CLCN4: variants seen among roughly 807,000 people sequenced by gnomAD.
CLCN4 encodes Cl-/H+ antiporter 4, also known as H(+)/Cl(-) exchange transporter 4.
A neutral mutation model predicts 41.7 loss-of-function variants in CLCN4; 1 was observed. The observed-to-expected ratio is 0.02, with a 90% CI of 0.01 to 0.11. CLCN4 has a LOEUF of 0.11. Among genes scored for constraint, CLCN4 ranks in the 10% least tolerant of loss-of-function variants. The pLI is 1.00. For synonymous variants in CLCN4, 277 were observed against 285.8 expected, an observed-to-expected ratio of 0.97 and a Z score of 0.31; for missense variants, 287 against 661.0, an observed-to-expected ratio of 0.43 and a Z score of 6.20.
At chrX:10,230,090 T>G (rs1925089682) in intron 12 of CLCN4, among the ~76,000 whole-genome samples, 1 of 111,365 alleles carries the variant, frequency 9.0e-6, no homozygotes, top group Non-Finnish European at 1.9e-5. Context: ...TTTTGCCCGT[T>G]TTTTTGATCA....
chrX:10,195,031 C>A lies in CLCN4; in HGVS notation c.365C>A (p.Thr122Asn), dbSNP rs1924061396. Residue 122 changes from threonine (T) to asparagine (N), a missense_variant, in exon 5 of 13, where the codon ACT becomes AAT. Transcript: ENST00000380833. ...EQCCWTSNET[T>N]FEDRDKCPLW... ...TGTTGCTGGACTTCTAACGAGACCACTTTTGAGGACAGAGACAAGTGTCCC... is the reference window on the plus strand; with the variant it reads ...TGTTGCTGGACTTCTAACGAGACCAATTTTGAGGACAGAGACAAGTGTCCC... 1 of 1,211,673 alleles carries A rather than the reference C, an allele frequency of 8.3e-7. No individual in the cohort carries two copies. The highest frequency in any genetic ancestry group is 1.1e-6 in the Non-Finnish European group (1 of 895,464).
chrX:10,222,054 A>G (rs1227461727), intron 12 of CLCN4, among the ~76,000 whole-genome samples: 1 of 113,136 alleles, frequency 8.8e-6, no homozygotes, highest in Non-Finnish European at 1.9e-5. Context: ...TTCCTGATAT[A>G]TCAATTTGTT....
chrX:10,193,859 C>T (rs751212987), intron 4 of CLCN4, among the ~76,000 whole-genome samples: 1 of 110,691 alleles, frequency 9.0e-6, no homozygotes, highest in South Asian at 3.9e-4. Context: ...AAGGCCATTG[C>T]CTTAGCTGCA....
At chrX:10,211,265 C>CAAAAA (rs71774120) in intron 9 of CLCN4, among the ~76,000 whole-genome samples, 2 of 48,802 alleles carry the variant, frequency 4.1e-5, no homozygotes, top group Admixed American at 3.6e-4. Flanking sequence ...GATTCCGTCT[C>CAAAAA]AAAAAAAAAA....
chrX:10,203,226 A>G lies in CLCN4; in HGVS notation c.556-3132A>G, dbSNP rs753872730. Among the ~76,000 whole-genome samples, 11 of 112,060 alleles carry G rather than the reference A, an allele frequency of 9.8e-5. No individual in the cohort carries two copies. In the South Asian group the frequency reaches 4.1e-3, roughly 42 times the overall value. ...CACATTAACTAACTGACAAAAAATT[A>G]TAGATAATTTTATTTGAGGCAACAC... is the stretch of plus-strand genomic sequence containing the variant. On this transcript the variant is annotated intron_variant, in intron 6 of 12. Transcript: ENST00000380833.
Position 10,234,532 on chromosome X carries a change from A to G in CLCN4, c.*948A>G, listed in dbSNP as rs1169153050. On this transcript the variant is annotated 3_prime_UTR_variant, in exon 13 of 13. Transcript: ENST00000380833. The stretch of plus-strand genomic sequence containing the variant: ...AAGTAGCATATGCAAGAGTCCAAAC[A>G]GGCTACCCAATGTTACTACTTATTT... The G allele has an allele frequency of 8.8e-6, 1 of 113,092 alleles. No homozygotes were observed. Among genetic ancestry groups the G allele is most frequent in the Non-Finnish European group, 1.9e-5 (1 of 53,370 alleles). 9.3% of individuals were successfully genotyped at this position (113,092 alleles called of 1,213,427 possible). A position where few individuals can be genotyped will look rare whatever the true frequency, so the allele number is the denominator to read the frequency against.
At chrX:10,191,080 G>C (rs1041879037) in intron 4 of CLCN4, among the ~76,000 whole-genome samples, 1 of 111,815 alleles carries the variant, frequency 8.9e-6, no homozygotes, top group Admixed American at 9.5e-5. Flanking sequence ...ACAATTCAGT[G>C]GTTTTTAATG....
intron 2 of CLCN4, among the ~76,000 whole-genome samples, chrX:10,173,597 C>T (rs1478855631): frequency 9.0e-6 from 1 of 111,568 alleles, no homozygotes; most frequent in Non-Finnish European, 1.9e-5. Context: ...CTCCTGGCTC[C>T]CCGATTTCTG....
At chrX:10,194,729 C>T (rs771951572) in intron 4 of CLCN4, among the ~76,000 whole-genome samples, 182 bp from the exon 5 acceptor site, 1 of 112,228 alleles carries the variant, frequency 8.9e-6, no homozygotes, top group East Asian at 2.8e-4. Context: ...CATAAATGTT[C>T]AAGTGCTGCA....
chrX:10,223,823 T>G (rs1460594867), intron 12 of CLCN4, among the ~76,000 whole-genome samples: 1 of 111,862 alleles, frequency 8.9e-6, no homozygotes, highest in Admixed American at 9.5e-5. Context: ...CAAGCCCTGC[T>G]AGGTGGTCCA....
At chrX:10,181,623 G>A (rs1035740278) in intron 2 of CLCN4, among the ~76,000 whole-genome samples, 1 of 111,639 alleles carries the variant, frequency 9.0e-6, no homozygotes, top group African/African-American at 3.3e-5. Flanking sequence ...ACCTAGGGTA[G>A]CATTTTTATA....
rs1569230576 is a variant in CLCN4, at chrX:10,208,525, A to G, written c.1324A>G (p.Met442Val). ...GGCTGGTGTCGGTGTTTACACGGCC[A>G]TGTGGCAGCTGGCCCTGGCACTGAT... is the stretch of plus-strand genomic sequence containing the variant. ...RPAGVGVYTA[M>V]WQLALALIFK... The change falls in exon 9 of 13, where the codon ATG becomes GTG. Residue 442 changes from methionine (M) to valine (V), a missense_variant. Met to Val is a conservative substitution (Grantham distance 21). Transcript: ENST00000380833. 1.7e-6 allele frequency: 2 copies of G among 1,209,292 alleles called. No individual in the cohort carries two copies. The highest frequency in any genetic ancestry group is 3.5e-5 in the African/African-American group (2 of 56,981).
In CLCN4 at chrX:10,206,834, T is replaced by C. The variant is rs369447534; in HGVS notation, c.843+58T>C. The C allele has an allele frequency of 1.9e-3, 1,623 of 839,961 alleles. 4 individuals carry two copies. Among genetic ancestry groups the C allele is most frequent in the Non-Finnish European group, 2.5e-3 (1,496 of 591,051 alleles). 69.2% of individuals were successfully genotyped at this position (839,961 alleles called of 1,213,427 possible). A position where few individuals can be genotyped will look rare whatever the true frequency, so the allele number is the denominator to read the frequency against. ...TTGAGCAGCAAGGCCCGTTGAGGGT[T>C]AGAATCAAAGAAGTATTGGATAAGA... On this transcript the variant is annotated intron_variant, in intron 8 of 12. Coordinates refer to ENST00000380833, the MANE Select transcript of CLCN4 (RefSeq NM_001830.4).
intron 2 of CLCN4, among the ~76,000 whole-genome samples, chrX:10,167,356 T>G (rs1458079694): frequency 8.9e-6 from 1 of 111,919 alleles, no homozygotes; most frequent in Admixed American, 9.4e-5. Context: ...TCAAAATGAT[T>G]ACAAATGAAA....
intron 9 of CLCN4, among the ~76,000 whole-genome samples, chrX:10,210,025 C>T (rs1485197921): frequency 9.0e-6 from 1 of 111,326 alleles, no homozygotes; most frequent in African/African-American, 3.3e-5. Context: ...TCCTGCAGCC[C>T]CGGCAACCAC....
intron 6 of CLCN4, among the ~76,000 whole-genome samples, chrX:10,200,256 C>T (rs1924206791): frequency 8.9e-6 from 1 of 112,063 alleles, no homozygotes; most frequent in African/African-American, 3.2e-5. Flanking sequence ...ATCCTGGGCT[C>T]AAGCAATCCT....
intron 2 of CLCN4, among the ~76,000 whole-genome samples, chrX:10,161,235 T>C (rs1015740917): frequency 9.5e-6 from 1 of 105,408 alleles, no homozygotes; most frequent in African/African-American, 3.5e-5. Context: ...GTGGGGGAGG[T>C]TGGCCTTCGG....
At chrX:10,206,310 A>G (rs201523910) in intron 6 of CLCN4, 48 bp from the exon 7 acceptor site, 1 of 983,756 alleles carries the variant, frequency 1.0e-6, no homozygotes, top group East Asian at 3.1e-5. Flanking sequence ...TTTCCTAGCC[A>G]TGGATTGAAG....
intron 2 of CLCN4, among the ~76,000 whole-genome samples, chrX:10,167,880 A>T (rs1371823042): frequency 8.9e-6 from 1 of 112,385 alleles, no homozygotes; most frequent in East Asian, 2.8e-4. Flanking sequence ...AATGACTAGT[A>T]ATGGTCCAAA....
Sources: allele counts gnomAD v4.1 joint callset (sites outside exome capture counted in the v4.1 genomes callset), GRCh38; gene constraint gnomAD v4.1.1; transcripts MANE v1.5; gene names NCBI Gene and HGNC (gene_info 2026-07-23, HGNC 2026-07-21).